FANCC: variants seen among roughly 807,000 people sequenced by gnomAD.
The protein encoded by FANCC is Fanconi anemia group C protein.
In FANCC, 55 loss-of-function variants were observed where a neutral mutation model predicts 71.3. The ratio of observed to expected loss-of-function variants is 0.77; its 90% confidence interval spans 0.62 to 0.97. FANCC has a LOEUF of 0.97. Among genes scored for constraint, FANCC ranks in the 50% least tolerant of loss-of-function variants. The probability of loss-of-function intolerance (pLI) is 0.00; values close to 1 mark genes in which losing one functional copy is unlikely to be tolerated. For synonymous variants in FANCC, 275 were observed against 244.9 expected, an observed-to-expected ratio of 1.12 and a Z score of -1.15; for missense variants, 678 against 670.9, an observed-to-expected ratio of 1.01 and a Z score of -0.12.
At chr9:95,268,959 T>G (rs185952941) in intron 1 of FANCC, among the ~76,000 whole-genome samples, 1 of 152,186 alleles carries the variant, frequency 6.6e-6, no homozygotes, top group African/African-American at 2.4e-5. Flanking sequence ...CACCACCTAC[T>G]GAGTTCCAAG....
At chr9:95,287,201 T>C (rs2094941828) in intron 1 of FANCC, among the ~76,000 whole-genome samples, 1 of 152,156 alleles carries the variant, frequency 6.6e-6, no homozygotes, top group Non-Finnish European at 1.5e-5. Flanking sequence ...ATGGAGCCAC[T>C]CACCAAGAAA....
At position 95,172,037 on chromosome 9, in the gene FANCC, A is replaced by AT. The variant is rs774170058; in HGVS notation, c.455dup (p.Asn152LysfsTer9). On this transcript the variant is annotated frameshift_variant and splice_region_variant, in exon 5 of 15. Coordinates refer to ENST00000289081, the MANE Select transcript of FANCC (RefSeq NM_000136.3). LOFTEE classifies it high-confidence loss of function. ...AAAGTGATAAATTTTAAATACTCAC[A>AT]TTTTTAAGCAAACCAGGATAGTAAT... 8.2e-6 allele frequency: 13 copies of AT among 1,585,636 alleles called. No individual in the cohort carries two copies. The highest frequency in any genetic ancestry group is 1.1e-5 in the South Asian group (1 of 90,474).
intron 1 of FANCC, among the ~76,000 whole-genome samples, chr9:95,255,601 C>G (rs953696339): frequency 2.0e-5 from 3 of 152,090 alleles, no homozygotes; most frequent in African/African-American, 7.2e-5. Context: ...AAAACCAGCA[C>G]AAAAAGGCTG....
intron 1 of FANCC, among the ~76,000 whole-genome samples, chr9:95,313,116 G>A (rs1425456086): frequency 6.6e-6 from 1 of 152,246 alleles, no homozygotes; most frequent in East Asian, 1.9e-4. Flanking sequence ...CGCTGCAGAA[G>A]CACATATGCC....
intron 1 of FANCC, among the ~76,000 whole-genome samples, chr9:95,259,530 CA>C (rs1167650413): frequency 1.3e-5 from 2 of 152,162 alleles, no homozygotes; most frequent in Non-Finnish European, 2.9e-5. Flanking sequence ...ACACCTTATA[CA>C]AAAATTAACT....
At chr9:95,253,413 A>G (rs2136125243) in intron 1 of FANCC, among the ~76,000 whole-genome samples, 1 of 152,274 alleles carries the variant, frequency 6.6e-6, no homozygotes, top group South Asian at 2.1e-4. Context: ...ATCTGAGCTC[A>G]TGTTCTTAAT....
intron 7 of FANCC, 94 bp from the exon 8 acceptor site, chr9:95,135,596 T>A: frequency 9.9e-6 from 10 of 1,013,058 alleles, no homozygotes; most frequent in East Asian, 2.6e-5. Flanking sequence ...TAATCCAATT[T>A]GTGAGACTTC....
chr9:95,288,343 A>G (rs373993833), intron 1 of FANCC, among the ~76,000 whole-genome samples: 1 of 152,294 alleles, frequency 6.6e-6, no homozygotes, highest in South Asian at 2.1e-4. Context: ...TATAATAACT[A>G]TTTGTTACAG....
intron 8 of FANCC, among the ~76,000 whole-genome samples, chr9:95,134,333 G>A (rs540412): frequency 0.19 from 29,543 of 152,124 alleles, 3,003 homozygotes; most frequent in Middle Eastern, 0.3. Flanking sequence ...GGGGTTCTAT[G>A]AGCTCAGGAA....
chr9:95,127,646 T>C (rs1257841317), intron 8 of FANCC, among the ~76,000 whole-genome samples: 3 of 152,178 alleles, frequency 2.0e-5, no homozygotes, highest in South Asian at 2.1e-4. Flanking sequence ...TCAGGCGCTA[T>C]TGGAAATTCA....
rs1376106279 is a variant in FANCC at position 95,316,716 on chromosome 9, TA to T, written c.-79+809del. On this transcript the variant is annotated intron_variant, in intron 1 of 14. Coordinates refer to ENST00000289081, the MANE Select transcript of FANCC (RefSeq NM_000136.3). ...TTCTGGTACCCAATTTCCCATGTTA[TA>T]AAACTCCAAGTCTTTTCCCCCATTC... 3.9e-5 allele frequency: 6 copies of T among 152,354 alleles called. No homozygotes were observed. In the East Asian group the frequency reaches 1.2e-3, roughly 29 times the overall value. 9.4% of individuals were successfully genotyped at this position (152,354 alleles called of 1,614,324 possible). A position where few individuals can be genotyped will look rare whatever the true frequency, so the allele number is the denominator to read the frequency against.
At chr9:95,122,776 C>T (rs774741446) in intron 10 of FANCC, among the ~76,000 whole-genome samples, 7 of 152,130 alleles carry the variant, frequency 4.6e-5, no homozygotes, top group African/African-American at 1.4e-4. Flanking sequence ...AGGTGTGCTC[C>T]GCGAGGCCAC....
At chr9:95,188,647 A>G (rs748687768) in intron 4 of FANCC, among the ~76,000 whole-genome samples, 1 of 152,240 alleles carries the variant, frequency 6.6e-6, no homozygotes, top group Non-Finnish European at 1.5e-5. Flanking sequence ...TGGTGGTCAC[A>G]TGGCAGTCCG....
chr9:95,292,358 G>T, intron 1 of FANCC: 1 of 961,944 alleles, frequency 1.0e-6, no homozygotes, highest in South Asian at 4.8e-5. Context: ...CGGAGGCGGT[G>T]GCGGCGGCGG....
chr9:95,150,174 AAGAC>A (rs1830094048), intron 6 of FANCC, 87 bp from the exon 7 acceptor site: 1 of 1,389,568 alleles, frequency 7.2e-7, no homozygotes, highest in Admixed American at 1.8e-5. Context: ...AAAAAGGTCA[AAGAC>A]AGATCACCTG....
chr9:95,197,373 CA>C (rs993721371), intron 4 of FANCC, among the ~76,000 whole-genome samples: 4 of 152,136 alleles, frequency 2.6e-5, no homozygotes, highest in African/African-American at 7.2e-5. Context: ...CCTGTCTTTA[CA>C]AAAAAACTTT....
chr9:95,254,047 G>T (rs992486631), intron 1 of FANCC, among the ~76,000 whole-genome samples: 4 of 152,156 alleles, frequency 2.6e-5, no homozygotes, highest in Non-Finnish European at 5.9e-5. Context: ...GCCACGGACT[G>T]GTACCGGTCT....
At chr9:95,317,041 G>C (rs890004575) in intron 1 of FANCC, 1 of 152,450 alleles carries the variant, frequency 6.6e-6, no homozygotes, top group South Asian at 2.1e-4. Context: ...TGTGAGGGAC[G>C]GGGAGGACGA....
chr9:95,303,022 G>A (rs1034763846), intron 1 of FANCC, among the ~76,000 whole-genome samples: 1 of 151,932 alleles, frequency 6.6e-6, no homozygotes, highest in African/African-American at 2.4e-5. Flanking sequence ...CAGACCCACT[G>A]GACAAGAAAA....
Sources: gnomAD v4.1 joint callset for allele counts (sites outside exome capture counted in the v4.1 genomes callset) on GRCh38, gnomAD v4.1.1 for gene constraint, MANE v1.5 for transcripts, NCBI Gene and HGNC (gene_info 2026-07-23, HGNC 2026-07-21) for gene names.